The following GREB1L variants were observed in gnomAD, a reference collection of about 807,000 sequenced individuals.
The protein encoded by GREB1L is GREB1 like retinoic acid receptor coactivator, also known as GREB1-like protein.
GREB1L carries 17 observed loss-of-function variants against 200.8 expected under a neutral mutation model. That is an observed-to-expected ratio of 0.08 (90% CI 0.06 to 0.13). The LOEUF is 0.13. Ranked by LOEUF, GREB1L falls within the 10% of genes least tolerant of loss-of-function variation. The probability of loss-of-function intolerance (pLI) is 1.00; values close to 1 mark genes in which losing one functional copy is unlikely to be tolerated. For missense variants in GREB1L, 1,657 were observed against 2,367.7 expected (o/e 0.70, Z 6.23); for synonymous variants, 789 against 893.0 (o/e 0.88, Z 2.08).
chr18:21,302,288 A>G (rs548000015), intron 1 of GREB1L, among the ~76,000 whole-genome samples: 1 of 152,292 alleles, frequency 6.6e-6, no homozygotes, highest in South Asian at 2.1e-4. Context: ...TTTTTGGAGG[A>G]GGTGGGGGTT....
At chr18:21,352,920 G>T (rs1270067722) in intron 1 of GREB1L, among the ~76,000 whole-genome samples, 1 of 151,658 alleles carries the variant, frequency 6.6e-6, no homozygotes, top group African/African-American at 2.4e-5. Flanking sequence ...GATGGCTCAC[G>T]CCTGTAATCC....
chr18:21,437,212 A>G (rs552020301), intron 7 of GREB1L, among the ~76,000 whole-genome samples: 1 of 152,282 alleles, frequency 6.6e-6, no homozygotes, highest in African/African-American at 2.4e-5. Flanking sequence ...TATAGGTGTG[A>G]GCCATTGTGC....
intron 15 of GREB1L, among the ~76,000 whole-genome samples, chr18:21,466,681 A>G (rs2035274268): frequency 1.3e-5 from 2 of 152,160 alleles, no homozygotes; most frequent in Admixed American, 1.3e-4. Context: ...ATATTCCCCC[A>G]AATTGGTGTA....
At chr18:21,329,969 T>TGGG (rs34186385) in intron 1 of GREB1L, among the ~76,000 whole-genome samples, 10 of 129,374 alleles carry the variant, frequency 7.7e-5, no homozygotes, top group Non-Finnish European at 9.8e-5. Flanking sequence ...GTTTTTTTTT[T>TGGG]GGGGGGGGGG....
chr18:21,243,386 A>C (rs979082308), intron 1 of GREB1L, among the ~76,000 whole-genome samples: 2 of 152,178 alleles, frequency 1.3e-5, no homozygotes, highest in South Asian at 4.2e-4. Context: ...GGTGAACGTG[A>C]CGGTTCCAAG....
chr18:21,485,240 G>A (rs1040069875), intron 17 of GREB1L: 2 of 158,366 alleles, frequency 1.3e-5, no homozygotes, highest in African/African-American at 4.8e-5. Context: ...AGAGGAGTTT[G>A]TCAATCTCTA....
intron 1 of GREB1L, among the ~76,000 whole-genome samples, chr18:21,243,530 C>G (rs1490476923): frequency 6.6e-6 from 1 of 152,200 alleles, no homozygotes. Context: ...CTGCTTAAAT[C>G]ACATTTTTAA....
intron 32 of GREB1L, among the ~76,000 whole-genome samples, chr18:21,521,154 G>C (rs1056273039): frequency 2.0e-5 from 3 of 151,936 alleles, no homozygotes; most frequent in Non-Finnish European, 4.4e-5. Context: ...CTGAGATCAC[G>C]CCACTGCACT....
chr18:21,276,633 C>T (rs551604413), intron 1 of GREB1L, among the ~76,000 whole-genome samples: 1 of 152,162 alleles, frequency 6.6e-6, no homozygotes, highest in Admixed American at 6.5e-5. Context: ...TTAACCTTGT[C>T]TCATTCCTCA....
At chr18:21,287,113 TAACCCTCTAGTAGAGC>T (rs1327980415) in intron 1 of GREB1L, among the ~76,000 whole-genome samples, 3 of 152,200 alleles carry the variant, frequency 2.0e-5, no homozygotes, top group African/African-American at 4.8e-5. Flanking sequence ...TAAAATGAGC[TAACCCTCTAGTAGAGC>T]AATTATATAG....
At chr18:21,496,390 G>C in intron 20 of GREB1L, 64 bp from the exon 21 acceptor site, 1 of 1,513,796 alleles carries the variant, frequency 6.6e-7, no homozygotes, top group African/African-American at 1.4e-5. Context: ...AGATCACCAG[G>C]CACACATACA....
At chr18:21,267,418 G>A (rs1158610494) in intron 1 of GREB1L, among the ~76,000 whole-genome samples, 2 of 151,976 alleles carry the variant, frequency 1.3e-5, no homozygotes, top group African/African-American at 4.8e-5. Context: ...CTGACCTCAG[G>A]TGATCTACCT....
At chr18:21,307,798 C>A (rs2038726158) in intron 1 of GREB1L, among the ~76,000 whole-genome samples, 1 of 152,072 alleles carries the variant, frequency 6.6e-6, no homozygotes, top group South Asian at 2.1e-4. Flanking sequence ...CCTGCTCCCT[C>A]CTTGTGGGGT....
chr18:21,406,073 A>AG lies in GREB1L; in HGVS notation c.832+2079_832+2080insG, dbSNP rs1170309394. 3.9e-5 allele frequency among the ~76,000 whole-genome samples: 6 copies of AG among 151,940 alleles called. No individual in the cohort carries two copies. In the East Asian group the frequency reaches 7.7e-4, roughly 20 times the overall value. On this transcript the variant is annotated intron_variant, in intron 7 of 32. Transcript: ENST00000424526. ...AGACCCTGTCTAAAAAAAAAAAAAA[A>AG]AAGAACAATAAAACATGTAACCTTT...
At chr18:21,298,031 T>C (rs1267834065) in intron 1 of GREB1L, among the ~76,000 whole-genome samples, 1 of 152,098 alleles carries the variant, frequency 6.6e-6, no homozygotes, top group East Asian at 1.9e-4. Flanking sequence ...AGTCCAAGTA[T>C]GAAAGGCTTG....
intron 1 of GREB1L, among the ~76,000 whole-genome samples, chr18:21,343,730 A>ATTTTTTTTTT (rs36120644): frequency 8.7e-6 from 1 of 114,952 alleles, no homozygotes; most frequent in Non-Finnish European, 1.8e-5. Flanking sequence ...GAGAAGAGAG[A>ATTTTTTTTTT]TTTTTTTTTT....
chr18:21,418,713 C>T (rs2031877473), intron 7 of GREB1L, among the ~76,000 whole-genome samples: 1 of 151,928 alleles, frequency 6.6e-6, no homozygotes, highest in South Asian at 2.1e-4. Context: ...TTATTAGAGA[C>T]AGGGTTTCAC....
At chr18:21,435,178 C>T (rs1053489193) in intron 7 of GREB1L, 1 of 152,654 alleles carries the variant, frequency 6.6e-6, no homozygotes, top group African/African-American at 2.4e-5. Context: ...GAAGCTGCCT[C>T]TCCCTGCCAG....
intron 27 of GREB1L, among the ~76,000 whole-genome samples, chr18:21,509,203 C>T (rs2037140675): frequency 6.6e-6 from 1 of 152,226 alleles, no homozygotes. Flanking sequence ...GTCAGAATGC[C>T]TTCATTTTCC....
Sources: allele counts gnomAD v4.1 joint callset (sites outside exome capture counted in the v4.1 genomes callset), GRCh38; gene constraint gnomAD v4.1.1; transcripts MANE v1.5; gene names NCBI Gene and HGNC (gene_info 2026-07-23, HGNC 2026-07-21).